TRAF3: variants seen among roughly 807,000 people sequenced by gnomAD.
TRAF3 encodes TNF receptor associated factor 3.
A neutral mutation model predicts 62.3 loss-of-function variants in TRAF3; 13 were observed. The observed-to-expected ratio is 0.21, with a 90% CI of 0.14 to 0.33. The LOEUF (loss-of-function observed/expected upper bound fraction) is 0.33, where lower values mean the gene tolerates loss of function less well. Among genes scored for constraint, TRAF3 ranks in the 10% least tolerant of loss-of-function variants. TRAF3 has a pLI of 1.00. For missense variants in TRAF3, 440 were observed against 741.8 expected, an observed-to-expected ratio of 0.59 and a Z score of 4.73; for synonymous variants, 269 against 283.4, an observed-to-expected ratio of 0.95 and a Z score of 0.51.
Position 102,876,519 on chromosome 14 carries a change from G to C in TRAF3, c.564G>C (p.Ala188=), listed in dbSNP as rs1266755441. Residue 188 remains alanine (A), a synonymous_variant, in exon 6 of 12, where the codon GCG becomes GCC. Transcript: ENST00000392745. The part of the protein sequence containing the change: ...SHCKSQVPMI[A]LQKHEDTDCP... Reference sequence around the variant, plus strand: ...GCAAGAGTCAGGTTCCGATGATCGCGCTGCAGGTGCGGGTCCTCCCATTCC... The same window carrying C: ...GCAAGAGTCAGGTTCCGATGATCGCCCTGCAGGTGCGGGTCCTCCCATTCC... 5 of 1,613,202 alleles carry C rather than the reference G, an allele frequency of 3.1e-6. No homozygotes were observed. The highest frequency in any genetic ancestry group is 3.4e-6 in the Non-Finnish European group (4 of 1,179,766).
At chr14:102,898,470 T>C (rs944540721) in intron 10 of TRAF3, among the ~76,000 whole-genome samples, 1 of 152,230 alleles carries the variant, frequency 6.6e-6, no homozygotes, top group Non-Finnish European at 1.5e-5. Context: ...AGGCGACTGG[T>C]CAGGCCACTG....
rs35895214 is a variant in TRAF3, at chr14:102,792,113, C to CTTTTTTTTT, written c.-157+14457_-157+14465dup. On this transcript the variant is annotated intron_variant, in intron 1 of 11. Coordinates refer to ENST00000392745, the MANE Select transcript of TRAF3 (RefSeq NM_145725.3). The stretch of plus-strand genomic sequence containing the variant: ...ACAGGTGCGAGCCACTGTGCCTGGA[C>CTTTTTTTTT]TTTTTTTTTTTTTTTTTTTTTTTTT... Among the ~76,000 whole-genome samples the CTTTTTTTTT allele has an allele frequency of 3.1e-4, 30 of 97,702 alleles. 14 individuals carry two copies. Among genetic ancestry groups the CTTTTTTTTT allele is most frequent in the African/African-American group, 1.7e-4 (4 of 23,854 alleles). The allele number at this position is 97,702 out of a possible 152,430, so 64.1% of individuals were successfully genotyped here.
chr14:102,815,810 A>G (rs1899483014), intron 1 of TRAF3, among the ~76,000 whole-genome samples: 1 of 152,178 alleles, frequency 6.6e-6, no homozygotes, highest in African/African-American at 2.4e-5. Context: ...GCAGGCAAGA[A>G]GGAGCGTGTG....
intron 1 of TRAF3, among the ~76,000 whole-genome samples, chr14:102,816,007 C>T (rs1453444584): frequency 6.6e-6 from 1 of 152,130 alleles, no homozygotes. Flanking sequence ...ATTCTTTCTC[C>T]ATTGAATGGT....
At chr14:102,785,864 C>T (rs571858312) in intron 1 of TRAF3, among the ~76,000 whole-genome samples, 1 of 152,234 alleles carries the variant, frequency 6.6e-6, no homozygotes, top group East Asian at 1.9e-4. Context: ...TAGGTCAGGT[C>T]CTTGGGATGA....
At chr14:102,809,766 G>A (rs556632407) in intron 1 of TRAF3, among the ~76,000 whole-genome samples, 43 of 151,558 alleles carry the variant, frequency 2.8e-4, no homozygotes, top group Admixed American at 1.4e-3. Context: ...TCCTGACCTC[G>A]TGATCTGCCC....
At chr14:102,833,785 G>A (rs1885795881) in intron 2 of TRAF3, among the ~76,000 whole-genome samples, 1 of 152,092 alleles carries the variant, frequency 6.6e-6, no homozygotes, top group African/African-American at 2.4e-5. Context: ...ACGAGGTCAG[G>A]AATTCGAGAC....
At chr14:102,897,721 A>G (rs536479904) in intron 10 of TRAF3, among the ~76,000 whole-genome samples, 1 of 152,378 alleles carries the variant, frequency 6.6e-6, no homozygotes, top group African/African-American at 2.4e-5. Context: ...TTTATTATTT[A>G]AGATTTCATA....
At chr14:102,828,675 T>C (rs1900472447) in intron 1 of TRAF3, among the ~76,000 whole-genome samples, 1 of 152,230 alleles carries the variant, frequency 6.6e-6, no homozygotes, top group African/African-American at 2.4e-5. Flanking sequence ...GAATTATGAT[T>C]GAATAGACCT....
chr14:102,802,212 T>G (rs1282950995), intron 1 of TRAF3, among the ~76,000 whole-genome samples: 1 of 132,912 alleles, frequency 7.5e-6, no homozygotes, highest in Non-Finnish European at 1.6e-5. Flanking sequence ...TGGAGTGCAG[T>G]GGCGCAATCT....
intron 2 of TRAF3, among the ~76,000 whole-genome samples, chr14:102,860,796 A>C (rs754509194): frequency 2.3e-4 from 35 of 152,370 alleles, no homozygotes; most frequent in Non-Finnish European, 3.5e-4. Context: ...TCCCAGAAGG[A>C]GCCCAGAGCA....
At chr14:102,887,515 C>G (rs886951814) in intron 7 of TRAF3, among the ~76,000 whole-genome samples, 1 of 152,118 alleles carries the variant, frequency 6.6e-6, no homozygotes, top group Non-Finnish European at 1.5e-5. Flanking sequence ...CTGGGAGGAG[C>G]TAGGGAAAAA....
intron 1 of TRAF3, among the ~76,000 whole-genome samples, chr14:102,812,074 A>G (rs954693435): frequency 1.3e-5 from 2 of 151,414 alleles, no homozygotes; most frequent in Non-Finnish European, 2.9e-5. Context: ...GAAGCTATAT[A>G]TTATTGTTAA....
intron 1 of TRAF3, among the ~76,000 whole-genome samples, chr14:102,798,029 G>A (rs1022775616): frequency 9.9e-5 from 15 of 152,132 alleles, no homozygotes; most frequent in South Asian, 2.1e-4. Context: ...GAGCCACCAC[G>A]CCCAGCCTAG....
intron 1 of TRAF3, among the ~76,000 whole-genome samples, chr14:102,799,513 C>T (rs960468854): frequency 2.0e-5 from 3 of 152,204 alleles, no homozygotes; most frequent in East Asian, 3.9e-4. Context: ...TGCAATGGTG[C>T]GATCTCTGCT....
chr14:102,814,071 G>A (rs1405564958), intron 1 of TRAF3, among the ~76,000 whole-genome samples: 1 of 152,024 alleles, frequency 6.6e-6, no homozygotes, highest in Non-Finnish European at 1.5e-5. Context: ...TTCATTTTTA[G>A]TTCATTTTTG....
chr14:102,903,561 A>G lies in TRAF3; in HGVS notation c.1135+132A>G, dbSNP rs1307911235. On this transcript the variant is annotated intron_variant, in intron 11 of 11. Transcript: ENST00000392745. The surrounding 1 kb of genome is among the most constrained non-coding windows in gnomAD (Gnocchi z 6.4). ...ACAGTTTTTTCTAATTATGGGTAACACGCAGAGGTGTGATGACTTTCCTAC... is the reference window on the plus strand; with the variant it reads ...ACAGTTTTTTCTAATTATGGGTAACGCGCAGAGGTGTGATGACTTTCCTAC... 7.7e-7 allele frequency: 1 copy of G among 1,292,136 alleles called. No homozygotes were observed. The highest frequency in any genetic ancestry group is 2.0e-5 in the Admixed American group (1 of 50,814). 80.0% of individuals were successfully genotyped at this position (1,292,136 alleles called of 1,614,324 possible).
At chr14:102,895,159 A>G (rs1272723908) in intron 9 of TRAF3, 1 of 455,258 alleles carries the variant, frequency 2.2e-6, no homozygotes, top group Admixed American at 2.4e-5. Flanking sequence ...GGACACAACT[A>G]CCACGCGATG....
At chr14:102,877,000 A>G (rs1291958647) in intron 6 of TRAF3, among the ~76,000 whole-genome samples, 1 of 149,772 alleles carries the variant, frequency 6.7e-6, no homozygotes, top group Non-Finnish European at 1.5e-5. Flanking sequence ...CTCATAGATA[A>G]TCCATTCCAC....
Sources: allele counts gnomAD v4.1 joint callset (sites outside exome capture counted in the v4.1 genomes callset), GRCh38; gene constraint gnomAD v4.1.1; non-coding constraint Gnocchi (gnomAD v3.1); transcripts MANE v1.5; gene names NCBI Gene and HGNC (gene_info 2026-07-23, HGNC 2026-07-21).